The following PARD3B variants were observed in gnomAD, a reference collection of about 807,000 sequenced individuals.
PARD3B encodes the protein partitioning defective 3 homolog B.
Under a neutral mutation model 130.2 loss-of-function variants are expected in PARD3B, and 103 were observed. The observed-to-expected ratio is 0.79, with a 90% CI of 0.67 to 0.93. PARD3B has a LOEUF of 0.93. Ranked by LOEUF, PARD3B falls within the 40% of genes least tolerant of loss-of-function variation. The pLI, the probability that PARD3B is intolerant of heterozygous loss-of-function variation, is 0.00. For synonymous variants in PARD3B, 583 were observed against 553.2 expected, an observed-to-expected ratio of 1.05 and a Z score of -0.76; for missense variants, 1,609 against 1,499.2, an observed-to-expected ratio of 1.07 and a Z score of -1.21.
intron 20 of PARD3B, among the ~76,000 whole-genome samples, chr2:205,477,903 C>G (rs1463380157): frequency 6.6e-6 from 1 of 152,178 alleles, no homozygotes; most frequent in Non-Finnish European, 1.5e-5. Context: ...GGCCAACACT[C>G]TACATGCAGT....
Position 204,817,826 on chromosome 2 carries a change from C to T in PARD3B, c.222+131544C>T, listed in dbSNP as rs143394542. Among the ~76,000 whole-genome samples the T allele has an allele frequency of 3.7e-3, 566 of 152,194 alleles. 6 individuals carry two copies. Among genetic ancestry groups the T allele is most frequent in the African/African-American group, 0.012 (505 of 41,530 alleles). ...AGCTGAAGCAGTTAATAGAGCTCAC[C>T]GTGTTTGTTTCTTCTGTCTCAAGGA... On this transcript the variant is annotated intron_variant, in intron 2 of 22. Transcript: ENST00000406610.
At chr2:204,855,271 G>A (rs937214361) in intron 2 of PARD3B, among the ~76,000 whole-genome samples, 11 of 152,132 alleles carry the variant, frequency 7.2e-5, no homozygotes, top group Non-Finnish European at 1.3e-4. Context: ...TCTGCCGGGC[G>A]TGGTGGCTCA....
chr2:204,800,751 A>G (rs1461029795), intron 2 of PARD3B, among the ~76,000 whole-genome samples: 2 of 152,110 alleles, frequency 1.3e-5, no homozygotes, highest in African/African-American at 2.4e-5. Flanking sequence ...TTTTGTTGCC[A>G]TTGCTTTTGG....
rs2041999236 is a variant in PARD3B, at chr2:205,301,563, C to G, written c.2492C>G (p.Ala831Gly). 1.2e-6 allele frequency: 2 copies of G among 1,612,654 alleles called. No individual in the cohort carries two copies. The highest frequency in any genetic ancestry group is 1.7e-6 in the Non-Finnish European group (2 of 1,179,782). The change falls in exon 18 of 23, where the codon GCC (alanine) becomes GGC (glycine). Residue 831 changes from alanine to glycine, a missense_variant. Transcript: ENST00000406610. This position sits in a 1 kb window ranked among gnomAD's most constrained non-coding sequence, Gnocchi z 5.2. ...GAGCTAGAGGACATGGAAAATAAAG[C>G]CAGGAAAGTCAAAAAAACGAAAGAG... Reference protein sequence around the residue: ...NSELEDMENKARKVKKTKEKE... With the variant: ...NSELEDMENKGRKVKKTKEKE...
intron 15 of PARD3B, among the ~76,000 whole-genome samples, chr2:205,237,193 A>G (rs942453420): frequency 2.0e-5 from 3 of 152,210 alleles, no homozygotes; most frequent in African/African-American, 7.2e-5. Flanking sequence ...TCCGCCTCCC[A>G]GGTTCAAGCA....
Position 205,584,055 on chromosome 2 carries a change from G to T in PARD3B, c.3260+30652G>T, listed in dbSNP as rs143820598. On this transcript the variant is annotated intron_variant, in intron 22 of 22. Coordinates refer to ENST00000406610, the MANE Select transcript of PARD3B (RefSeq NM_001302769.2). This position sits in a 1 kb window ranked among gnomAD's most constrained non-coding sequence, Gnocchi z 5.5. ...ATTTTATCTTGGAAACTTGATTTTC[G>T]AAGTATTTAGGAAAATGCTTCAAAG... 6.6e-6 allele frequency among the ~76,000 whole-genome samples: 1 copy of T among 152,242 alleles called. No individual in the cohort carries two copies. The highest frequency in any genetic ancestry group is 2.4e-5 in the African/African-American group (1 of 41,548).
chr2:205,005,560 A>G (rs1010748976), intron 3 of PARD3B, among the ~76,000 whole-genome samples: 2 of 152,190 alleles, frequency 1.3e-5, no homozygotes, highest in Non-Finnish European at 2.9e-5. Context: ...TGAACTTCTT[A>G]AGGTTTGTAT....
intron 18 of PARD3B, among the ~76,000 whole-genome samples, chr2:205,337,019 T>A (rs2043338778): frequency 6.6e-6 from 1 of 152,024 alleles, no homozygotes; most frequent in Admixed American, 6.6e-5. Context: ...TTTTCTAATG[T>A]AACCTAACAA....
Position 204,594,245 on chromosome 2 carries a change from T to C in PARD3B, c.120+48126T>C, listed in dbSNP as rs575160244. ...TTGCCCTTTCACTCATTACTGAGTG[T>C]TCCTGTGCATTTCAGTAAATATAAC... On this transcript the variant is annotated intron_variant, in intron 1 of 22. Transcript: ENST00000406610. 9.2e-5 allele frequency among the ~76,000 whole-genome samples: 14 copies of C among 152,322 alleles called. No homozygotes were observed. The East Asian group carries it at 2.5e-3, about 27-fold the overall frequency.
At chr2:204,790,508 A>G (rs2042163674) in intron 2 of PARD3B, among the ~76,000 whole-genome samples, 1 of 152,210 alleles carries the variant, frequency 6.6e-6, no homozygotes, top group Non-Finnish European at 1.5e-5. Context: ...GTGTGTTATA[A>G]GAAGTGTTCT....
rs2044636294 is a variant in PARD3B, at chr2:204,849,845, T to C, written c.223-115307T>C. 2.0e-5 allele frequency among the ~76,000 whole-genome samples: 3 copies of C among 152,202 alleles called. No homozygotes were observed. The South Asian group carries it at 6.2e-4, about 32-fold the overall frequency. On this transcript the variant is annotated intron_variant, in intron 2 of 22. Transcript: ENST00000406610. ...TAGGTAATCATTGAAAATTGGGAGT[T>C]AAATGAGTTATTATTTTATAGAAGG... is the stretch of plus-strand genomic sequence containing the variant.
chr2:205,389,951 T>C (rs75371384), intron 18 of PARD3B, among the ~76,000 whole-genome samples: 2,011 of 152,286 alleles, frequency 0.013, 42 homozygotes, highest in African/African-American at 0.046. Flanking sequence ...ACAATTTCCC[T>C]TATTCAAAAT....
In PARD3B at chr2:205,537,372, A is replaced by G. The variant is rs185272649; in HGVS notation, c.3181-15952A>G. ...TTGGCTTCTTTGCATAGAAATAATC[A>G]TGGCAAGTGTTGGTTTCTTTTTCTT... is the stretch of plus-strand genomic sequence containing the variant. On this transcript the variant is annotated intron_variant, in intron 21 of 22. Coordinates refer to ENST00000406610, the MANE Select transcript of PARD3B (RefSeq NM_001302769.2). 5.9e-5 allele frequency among the ~76,000 whole-genome samples: 9 copies of G among 152,312 alleles called. No homozygotes were observed. In the East Asian group the frequency reaches 1.7e-3, roughly 29 times the overall value.
chr2:205,251,832 T>C (rs1291428108), intron 16 of PARD3B, among the ~76,000 whole-genome samples: 1 of 152,206 alleles, frequency 6.6e-6, no homozygotes, highest in Non-Finnish European at 1.5e-5. Context: ...ACAGCATGGT[T>C]CTCTATTTGG....
At chr2:205,279,003 G>A (rs1014664025) in intron 16 of PARD3B, among the ~76,000 whole-genome samples, 19 of 135,468 alleles carry the variant, frequency 1.4e-4, no homozygotes, top group African/African-American at 4.5e-4. Flanking sequence ...CCCAGGAGGC[G>A]GAGCTTGCAG....
chr2:205,252,830 C>A, intron 16 of PARD3B, among the ~76,000 whole-genome samples: 1 of 129,450 alleles, frequency 7.7e-6, no homozygotes, highest in Non-Finnish European at 1.6e-5. Context: ...TTGTAGGAAC[C>A]TGAAGGGACC....
At chr2:204,553,586 C>G (rs565779070) in intron 1 of PARD3B, among the ~76,000 whole-genome samples, 792 of 27,654 alleles carry the variant, frequency 0.029, 3 homozygotes, top group Non-Finnish European at 0.047. Context: ...ATATATAAGG[C>G]TATATACATA....
chr2:205,380,841 TA>T (rs1216344627), intron 18 of PARD3B, among the ~76,000 whole-genome samples: 2 of 101,420 alleles, frequency 2.0e-5, no homozygotes, highest in South Asian at 3.4e-4. Flanking sequence ...GAATACATTA[TA>T]ATATAAAGAA....
Position 204,565,829 on chromosome 2 carries a change from A to G in PARD3B, c.120+19710A>G, listed in dbSNP as rs180700280. Among the ~76,000 whole-genome samples the G allele has an allele frequency of 4.5e-4, 68 of 152,296 alleles. No individual in the cohort carries two copies. The East Asian group carries it at 0.012, about 27-fold the overall frequency. On this transcript the variant is annotated intron_variant, in intron 1 of 22. Transcript: ENST00000406610. ...GTTCAGCCTGCAGCTCAGTCAGTCA[A>G]TCAATCAGAGGAGTGCTTTTCTCTG...
Sources: gnomAD v4.1 joint callset for allele counts (sites outside exome capture counted in the v4.1 genomes callset) on GRCh38, gnomAD v4.1.1 for gene constraint, Gnocchi (gnomAD v3.1) non-coding constraint, MANE v1.5 for transcripts, NCBI Gene and HGNC (gene_info 2026-07-23, HGNC 2026-07-21) for gene names.